Variants in BNC1 observed in about 807,000 individuals in gnomAD.
BNC1 encodes zinc finger protein basonuclin-1.
A neutral mutation model predicts 66.5 loss-of-function variants in BNC1; 8 were observed. The observed-to-expected ratio is 0.12, with a 90% CI of 0.07 to 0.22. BNC1 has a LOEUF of 0.22. Ranked by LOEUF, BNC1 falls within the 10% of genes least tolerant of loss-of-function variation. The pLI is 1.00. For missense variants in BNC1, 1,069 were observed against 1,241.3 expected, an observed-to-expected ratio of 0.86 and a Z score of 2.09; for synonymous variants, 454 against 452.6, an observed-to-expected ratio of 1.00 and a Z score of -0.04.
At chr15:83,277,282 G>C (rs558436333) in intron 1 of BNC1, among the ~76,000 whole-genome samples, 1 of 152,092 alleles carries the variant, frequency 6.6e-6, no homozygotes, top group Admixed American at 6.6e-5. Flanking sequence ...GTCTCACTAT[G>C]TTGCTTAGGC....
Position 83,266,968 on chromosome 15 carries a change from G to C in BNC1, c.303C>G (p.Thr101=). The change falls in exon 3 of 5, where the codon ACC becomes ACG. Residue 101 remains threonine, a synonymous_variant. Coordinates refer to ENST00000345382, the MANE Select transcript of BNC1 (RefSeq NM_001717.4). ...FDISSLMLYG[T]QAIPVRLKIL... is the part of the protein sequence containing the mutation. ...TTTTTAGGCGAACGGGGATGGCCTG[G>C]GTCCCATAGAGCATGAGGCTGCTAA... 6.2e-7 allele frequency: 1 copy of C among 1,614,120 alleles called. No individual in the cohort carries two copies. Among genetic ancestry groups the C allele is most frequent in the Non-Finnish European group, 8.5e-7 (1 of 1,179,998 alleles).
rs991190031 is a variant in BNC1 at position 83,283,111 on chromosome 15, C to T, written c.99+1419G>A. 3.3e-6 allele frequency: 5 copies of T among 1,534,420 alleles called. No homozygotes were observed. In the African/African-American group the frequency reaches 6.8e-5, roughly 21 times the overall value. ...CACAACTTCACTCACACAATTAAGG[C>T]TGGGAGATGGCATTCCACTTAACTG... On this transcript the variant is annotated intron_variant, in intron 1 of 4. Transcript: ENST00000345382.
In BNC1 at chr15:83,257,947, A is replaced by G; in HGVS notation, c.2480T>C (p.Met827Thr). Residue 827 changes from methionine (M) to threonine (T), a missense_variant, in exon 5 of 5, where the codon ATG becomes ACG. Physicochemically the swap from Met to Thr is moderately conservative, Grantham distance 81. This residue lies in a region of BNC1 where 657 missense variants were observed against 715.8 expected (regional missense o/e 0.92). Transcript: ENST00000345382. Reference sequence around the variant, plus strand: ...CGTTATTGGGTAAACCAGACTGCCCATTCGACTTGTTCCTTTGAAGATGAC... The same window carrying G: ...CGTTATTGGGTAAACCAGACTGCCCGTTCGACTTGTTCCTTTGAAGATGAC... ...TSVIFKGTSRMGSLVYPITQV... is the reference protein window; with the variant it reads ...TSVIFKGTSRTGSLVYPITQV... 6.2e-7 allele frequency: 1 copy of G among 1,614,160 alleles called. No individual in the cohort carries two copies. The highest frequency in any genetic ancestry group is 8.5e-7 in the Non-Finnish European group (1 of 1,179,998).
chr15:83,261,052 C>T (rs181292939), intron 4 of BNC1, among the ~76,000 whole-genome samples: 73 of 152,172 alleles, frequency 4.8e-4, no homozygotes, highest in African/African-American at 1.7e-3. Context: ...AAATAAATAT[C>T]AAATGAAAAA....
chr15:83,278,762 T>C (rs1461558753), intron 1 of BNC1, among the ~76,000 whole-genome samples: 3 of 152,152 alleles, frequency 2.0e-5, no homozygotes, highest in Non-Finnish European at 2.9e-5. Flanking sequence ...ACCACACATA[T>C]GGTGTTCTTG....
intron 1 of BNC1, among the ~76,000 whole-genome samples, chr15:83,280,457 C>T (rs960411847): frequency 6.6e-6 from 1 of 152,144 alleles, no homozygotes; most frequent in African/African-American, 2.4e-5. Flanking sequence ...GCTGCTGATA[C>T]AAAATAAAGA....
At chr15:83,259,651 A>C (rs1315737347) in intron 4 of BNC1, among the ~76,000 whole-genome samples, 1 of 152,186 alleles carries the variant, frequency 6.6e-6, no homozygotes, top group African/African-American at 2.4e-5. Flanking sequence ...TCCAGTACAT[A>C]CAAGTGGTTA....
intron 3 of BNC1, among the ~76,000 whole-genome samples, chr15:83,265,676 G>A (rs950289221): frequency 1.3e-5 from 2 of 152,146 alleles, no homozygotes; most frequent in Non-Finnish European, 2.9e-5. Flanking sequence ...CACTAGAGGT[G>A]AGCAAACATT....
chr15:83,275,956 C>T (rs1313819820), intron 1 of BNC1, among the ~76,000 whole-genome samples: 1 of 152,016 alleles, frequency 6.6e-6, no homozygotes, highest in Non-Finnish European at 1.5e-5. Context: ...GGCTGGGGAG[C>T]CCGAGCCCCT....
chr15:83,264,687 T>C lies in BNC1; in HGVS notation c.564A>G (p.Lys188=), dbSNP rs753689482. 1.9e-6 allele frequency: 3 copies of C among 1,614,182 alleles called. No individual in the cohort carries two copies. Among genetic ancestry groups the C allele is most frequent in the East Asian group, 4.5e-5 (2 of 44,882 alleles). ...GTGGTATGATGATGGATTGCTCTTC[T>C]TTCTCTTGAATTGCCATGAGTTCAA... ...SIVELMAIQE[K]EEQSIIIPPS... is the part of the protein sequence containing the mutation. Residue 188 remains lysine (K), a synonymous_variant, in exon 4 of 5, where the codon AAA becomes AAG. Transcript: ENST00000345382.
At position 83,257,131 on chromosome 15, in the gene BNC1, T is replaced by C. The variant is rs1396636225; in HGVS notation, c.*311A>G. On this transcript the variant is annotated 3_prime_UTR_variant, in exon 5 of 5. Transcript: ENST00000345382. The stretch of plus-strand genomic sequence containing the variant: ...CACCCCCAGGTCCTGGGCCCACTGG[T>C]GTCGATCTGCAGACCTGGATCTGTC... 1 of 378,786 alleles carries C rather than the reference T, an allele frequency of 2.6e-6. No homozygotes were observed. The highest frequency in any genetic ancestry group is 4.8e-6 in the Non-Finnish European group (1 of 209,866). 23.5% of individuals were successfully genotyped at this position (378,786 alleles called of 1,614,324 possible).
intron 4 of BNC1, among the ~76,000 whole-genome samples, chr15:83,258,871 C>T (rs1266369245): frequency 2.0e-5 from 3 of 152,124 alleles, no homozygotes; most frequent in Non-Finnish European, 2.9e-5. Flanking sequence ...TGCTTTTTTA[C>T]AGTGGCTATA....
intron 1 of BNC1, among the ~76,000 whole-genome samples, chr15:83,273,841 G>A (rs1193454014): frequency 6.6e-6 from 1 of 152,204 alleles, no homozygotes; most frequent in East Asian, 1.9e-4. Flanking sequence ...TAGGCACATA[G>A]TTGGGTATAT....
rs1482347185 is a variant in BNC1 at position 83,262,965 on chromosome 15, G to A, written c.2286C>T (p.Arg762=). Residue 762 remains arginine, a synonymous_variant, in exon 4 of 5, where the codon CGC becomes CGT. Coordinates refer to ENST00000345382, the MANE Select transcript of BNC1 (RefSeq NM_001717.4). ...VEGCNATFPS[R]RSRDRHSSNL... ...AGATGCCTTACCTGTCTCTGCTCCTGCGGGAGGGAAAGGTAGCATTACAGC... is the reference window on the plus strand; with the variant it reads ...AGATGCCTTACCTGTCTCTGCTCCTACGGGAGGGAAAGGTAGCATTACAGC... 1.2e-6 allele frequency: 2 copies of A among 1,608,202 alleles called. No homozygotes were observed. The highest frequency in any genetic ancestry group is 1.7e-5 in the Admixed American group (1 of 59,612).
chr15:83,264,833 G>A lies in BNC1; in HGVS notation c.436-18C>T, dbSNP rs777629736. ...GATGCATCCTAAACCCAAACCAGAT[G>A]TTAGAAGTGTGATCAATTTACAACT... is the stretch of plus-strand genomic sequence containing the variant. On this transcript the variant is annotated intron_variant, in intron 3 of 4. Coordinates refer to ENST00000345382, the MANE Select transcript of BNC1 (RefSeq NM_001717.4). 1.9e-6 allele frequency: 3 copies of A among 1,602,588 alleles called. No individual in the cohort carries two copies. Among genetic ancestry groups the A allele is most frequent in the Non-Finnish European group, 2.6e-6 (3 of 1,174,162 alleles).
At chr15:83,265,768 T>G (rs535056795) in intron 3 of BNC1, among the ~76,000 whole-genome samples, 1 of 152,282 alleles carries the variant, frequency 6.6e-6, no homozygotes, top group South Asian at 2.1e-4. Context: ...GTGAAATGAC[T>G]TTCAGCATGA....
At position 83,257,520 on chromosome 15, in the gene BNC1, A is replaced by G. The variant is rs754657967; in HGVS notation, c.2907T>C (p.Ser969=). The change falls in exon 5 of 5, where the codon TCT becomes TCC. Residue 969 remains serine (S), a synonymous_variant. Transcript: ENST00000345382. ...KVPGCNTMFS[S]VRSRNRHSQN... is the part of the protein sequence containing the mutation. ...GGCTGTGTCTGTTTCGACTGCGAAC[A>G]GACGAAAACATGGTGTTGCAGCCTG... 2 of 1,614,212 alleles carry G rather than the reference A, an allele frequency of 1.2e-6. No homozygotes were observed. The highest frequency in any genetic ancestry group is 1.7e-6 in the Non-Finnish European group (2 of 1,180,042).
intron 1 of BNC1, among the ~76,000 whole-genome samples, chr15:83,279,787 T>A (rs1214908031): frequency 1.3e-5 from 2 of 152,132 alleles, no homozygotes; most frequent in South Asian, 4.1e-4. Context: ...GCATTTGCAA[T>A]ATAAACACAA....
In BNC1 at chr15:83,262,045, G is replaced by GC. The variant is rs777746228; in HGVS notation, c.2300+905_2300+906insG. On this transcript the variant is annotated intron_variant, in intron 4 of 4. Coordinates refer to ENST00000345382, the MANE Select transcript of BNC1 (RefSeq NM_001717.4). Reference sequence around the variant, plus strand: ...CCTGCTAATGTGACAACTAGTTCATGTTTTTTTTTTTTTTTTTTTTTGAGA... The same window carrying GC: ...CCTGCTAATGTGACAACTAGTTCATGCTTTTTTTTTTTTTTTTTTTTTGAGA... Among the ~76,000 whole-genome samples the GC allele has an allele frequency of 2.7e-5, 3 of 110,538 alleles. No individual in the cohort carries two copies. The East Asian group carries it at 7.4e-4, about 27-fold the overall frequency. The allele number at this position is 110,538 out of a possible 152,430, so 72.5% of individuals were successfully genotyped here. A position where few individuals can be genotyped will look rare whatever the true frequency, so the allele number is the denominator to read the frequency against.
Sources: allele counts gnomAD v4.1 joint callset (sites outside exome capture counted in the v4.1 genomes callset), GRCh38; gene constraint gnomAD v4.1.1; regional missense constraint gnomAD v4.1.1; transcripts MANE v1.5; gene names NCBI Gene and HGNC (gene_info 2026-07-23, HGNC 2026-07-21).